Variants in DPYD observed in about 807,000 individuals in gnomAD.
The protein encoded by DPYD is dihydropyrimidine dehydrogenase.
A neutral mutation model predicts 116.2 loss-of-function variants in DPYD; 109 were observed. The ratio of observed to expected loss-of-function variants is 0.94; its 90% CI spans 0.80 to 1.10. The LOEUF is 1.10. Ranked by LOEUF, DPYD falls within the 50% of genes least tolerant of loss-of-function variation. The probability of loss-of-function intolerance (pLI) is 0.00; values close to 1 mark genes in which losing one functional copy is unlikely to be tolerated. For synonymous variants in DPYD, 440 were observed against 432.0 expected (o/e 1.02, Z -0.23); for missense variants, 1,302 against 1,254.5 (o/e 1.04, Z -0.57).
chr1:97,889,461 C>T (rs1194439038), intron 1 of DPYD, among the ~76,000 whole-genome samples: 1 of 151,976 alleles, frequency 6.6e-6, no homozygotes, highest in Non-Finnish European at 1.5e-5. Flanking sequence ...ATGAAAGCTG[C>T]AGTGCCCATA....
intron 8 of DPYD, among the ~76,000 whole-genome samples, chr1:97,618,670 T>C (rs970250495): frequency 1.4e-4 from 22 of 152,186 alleles, no homozygotes; most frequent in Admixed American, 9.2e-4. Flanking sequence ...ACCAGCAGCA[T>C]TGCTATAGAT....
At chr1:97,751,460 G>GTGTATATATATATATATA (rs763260651) in intron 3 of DPYD, among the ~76,000 whole-genome samples, 11 of 21,286 alleles carry the variant, frequency 5.2e-4, no homozygotes, top group African/African-American at 6.9e-4. Context: ...GTGTGTGTGT[G>GTGTATATATATATATATA]TATATATATA....
At chr1:97,780,020 T>C (rs907003110) in intron 3 of DPYD, among the ~76,000 whole-genome samples, 5 of 152,216 alleles carry the variant, frequency 3.3e-5, no homozygotes, top group African/African-American at 1.2e-4. Context: ...TCTACATTGT[T>C]TGATTTCAGT....
intron 18 of DPYD, among the ~76,000 whole-genome samples, chr1:97,245,602 T>C (rs1291094118): frequency 6.6e-6 from 1 of 152,060 alleles, no homozygotes; most frequent in African/African-American, 2.4e-5. Flanking sequence ...AAATGATTAT[T>C]TGAGTAGGAG....
chr1:97,597,956 T>A (rs989062641), intron 8 of DPYD, among the ~76,000 whole-genome samples: 7 of 152,108 alleles, frequency 4.6e-5, no homozygotes, highest in African/African-American at 7.2e-5. Flanking sequence ...TGAGATTTTT[T>A]AAAAATGTTA....
At chr1:97,442,767 A>G (rs903549052) in intron 14 of DPYD, among the ~76,000 whole-genome samples, 1 of 152,180 alleles carries the variant, frequency 6.6e-6, no homozygotes, top group Admixed American at 6.5e-5. Flanking sequence ...TATTTCTGAA[A>G]TGAAGTATTT....
At chr1:97,729,561 T>A (rs971693831) in intron 4 of DPYD, among the ~76,000 whole-genome samples, 3 of 152,032 alleles carry the variant, frequency 2.0e-5, no homozygotes, top group African/African-American at 4.8e-5. Context: ...AAATATTCCA[T>A]GTTAGGAAGT....
chr1:97,584,466 T>C (rs1334532284), intron 10 of DPYD, among the ~76,000 whole-genome samples: 2 of 152,134 alleles, frequency 1.3e-5, no homozygotes, highest in Non-Finnish European at 2.9e-5. Context: ...TTTAGTGTTT[T>C]AGACATGAAG....
At chr1:97,389,763 T>A (rs575726556) in intron 14 of DPYD, among the ~76,000 whole-genome samples, 1 of 151,676 alleles carries the variant, frequency 6.6e-6, no homozygotes, top group Non-Finnish European at 1.5e-5. Context: ...TTGAAGCATA[T>A]AAAATGCAAA....
chr1:97,678,034 TC>T (rs1222064038), intron 8 of DPYD, among the ~76,000 whole-genome samples: 1 of 152,098 alleles, frequency 6.6e-6, no homozygotes, highest in Admixed American at 6.6e-5. Flanking sequence ...AACACAGTGG[TC>T]CCCAACCTTT....
chr1:97,317,436 T>A (rs367709147), intron 16 of DPYD, among the ~76,000 whole-genome samples: 1 of 151,976 alleles, frequency 6.6e-6, no homozygotes, highest in Non-Finnish European at 1.5e-5. Flanking sequence ...CTACTATGTA[T>A]GGATTCATTT....
intron 4 of DPYD, 64 bp from the exon 5 acceptor site, chr1:97,721,735 G>T (rs763731981): frequency 6.8e-7 from 1 of 1,471,178 alleles, no homozygotes; most frequent in Non-Finnish European, 9.4e-7. Context: ...GCCAAATTAC[G>T]ACAAACATTA....
chr1:97,254,431 T>A (rs549813716), intron 18 of DPYD, among the ~76,000 whole-genome samples: 1 of 152,138 alleles, frequency 6.6e-6, no homozygotes, highest in Non-Finnish European at 1.5e-5. Context: ...TGCTGACACT[T>A]TTTTAGATTT....
Position 97,322,969 on chromosome 1 carries a change from C to G in DPYD, c.2059-16672G>C, listed in dbSNP as rs141421067. 33 of 151,884 alleles carry G rather than the reference C, an allele frequency of 2.2e-4. No homozygotes were observed. In the East Asian group the frequency reaches 6.4e-3, roughly 30 times the overall value. 9.4% of individuals were successfully genotyped at this position (151,884 alleles called of 1,614,324 possible). A position where few individuals can be genotyped will look rare whatever the true frequency, so the allele number is the denominator to read the frequency against. ...AATACGAATACATCTGCTCTTATTT[C>G]TCAGCATCTCTTATTCCATTTCTAC... On this transcript the variant is annotated intron_variant, in intron 16 of 22. Transcript: ENST00000370192.
intron 4 of DPYD, among the ~76,000 whole-genome samples, chr1:97,724,360 GTGTGTA>G (rs1478120240): frequency 7.7e-5 from 10 of 130,068 alleles, no homozygotes; most frequent in African/African-American, 2.4e-4. Flanking sequence ...GTGTGTGTGT[GTGTGTA>G]TGAGATTTAT....
intron 22 of DPYD, among the ~76,000 whole-genome samples, chr1:97,080,745 G>T (rs1369708544): frequency 1.3e-5 from 2 of 152,068 alleles, no homozygotes; most frequent in East Asian, 1.9e-4. Flanking sequence ...AATCTGCAAA[G>T]ATATAAAACT....
intron 16 of DPYD, among the ~76,000 whole-genome samples, chr1:97,368,964 C>T (rs1364212819): frequency 6.6e-6 from 1 of 152,010 alleles, no homozygotes; most frequent in Non-Finnish European, 1.5e-5. Flanking sequence ...ATTTTAAAAA[C>T]ACAACAACCA....
At chr1:97,227,293 A>C (rs1258852679) in intron 19 of DPYD, among the ~76,000 whole-genome samples, 1 of 136,234 alleles carries the variant, frequency 7.3e-6, no homozygotes, top group East Asian at 2.5e-4. Flanking sequence ...TGCCACGGCC[A>C]CTGCGCTCCA....
chr1:97,867,479 A>G (rs1435272425), intron 2 of DPYD, among the ~76,000 whole-genome samples: 1 of 151,908 alleles, frequency 6.6e-6, no homozygotes, highest in Non-Finnish European at 1.5e-5. Flanking sequence ...TCAACAAAAC[A>G]CTAACAAACC....
Sources: gnomAD v4.1 joint callset for allele counts (sites outside exome capture counted in the v4.1 genomes callset) on GRCh38, gnomAD v4.1.1 for gene constraint, MANE v1.5 for transcripts, NCBI Gene and HGNC (gene_info 2026-07-23, HGNC 2026-07-21) for gene names.